Variants in PDS5B observed in about 807,000 individuals in gnomAD.
PDS5B encodes the protein sister chromatid cohesion protein PDS5 homolog B.
PDS5B carries 51 observed loss-of-function variants against 184.1 expected under a neutral mutation model. The ratio of observed to expected loss-of-function variants is 0.28; its 90% CI spans 0.22 to 0.35. The LOEUF (loss-of-function observed/expected upper bound fraction) is 0.35, where lower values mean the gene tolerates loss of function less well. Among genes scored for constraint, PDS5B ranks in the 10% least tolerant of loss-of-function variants. The pLI is 1.00. For synonymous variants in PDS5B, 566 were observed against 569.2 expected (o/e 0.99, Z 0.08); for missense variants, 1,180 against 1,723.3 (o/e 0.68, Z 5.58).
At chr13:32,716,879 C>T (rs1424230763) in intron 19 of PDS5B, among the ~76,000 whole-genome samples, 2 of 115,370 alleles carry the variant, frequency 1.7e-5, no homozygotes, top group East Asian at 2.5e-4. Flanking sequence ...CCGCCCCGTC[C>T]GGGAGGTGAG....
chr13:32,611,645 C>G (rs1027607926), intron 1 of PDS5B, among the ~76,000 whole-genome samples: 2 of 151,308 alleles, frequency 1.3e-5, no homozygotes, highest in African/African-American at 2.4e-5. Context: ...GTAGCTGGGA[C>G]TACAGGTGCG....
intron 19 of PDS5B, among the ~76,000 whole-genome samples, chr13:32,730,477 G>T (rs933724993): frequency 6.6e-6 from 1 of 152,204 alleles, no homozygotes; most frequent in Non-Finnish European, 1.5e-5. Flanking sequence ...TTCTAGTTTT[G>T]TGAAGAAAGT....
intron 6 of PDS5B, among the ~76,000 whole-genome samples, chr13:32,660,817 C>A (rs1039770101): frequency 3.9e-5 from 6 of 152,122 alleles, no homozygotes; most frequent in Non-Finnish European, 5.9e-5. Context: ...TCTCTAAGTA[C>A]AGGAGCTGGA....
intron 1 of PDS5B, among the ~76,000 whole-genome samples, chr13:32,592,012 G>A (rs951425579): frequency 2.6e-5 from 4 of 152,216 alleles, no homozygotes; most frequent in African/African-American, 9.6e-5. Context: ...ACATAAGGTA[G>A]AAGAGAAGCT....
chr13:32,753,651 T>C, intron 25 of PDS5B, 115 bp downstream of exon 25: 1 of 656,650 alleles, frequency 1.5e-6, no homozygotes, highest in South Asian at 2.9e-5. Context: ...TAACAATTTT[T>C]ATTACCATTT....
At chr13:32,684,653 C>G (rs965416225) in intron 11 of PDS5B, among the ~76,000 whole-genome samples, 2 of 152,180 alleles carry the variant, frequency 1.3e-5, no homozygotes, top group African/African-American at 4.8e-5. Context: ...AATGAATGTT[C>G]ATTCTGTTCC....
intron 10 of PDS5B, among the ~76,000 whole-genome samples, 174 bp downstream of exon 10, chr13:32,679,103 A>G (rs1365377651): frequency 6.7e-6 from 1 of 149,950 alleles, no homozygotes. Context: ...TTTTTAAAAT[A>G]GAGACAAGGT....
intron 1 of PDS5B, among the ~76,000 whole-genome samples, chr13:32,587,561 C>T (rs1403755425): frequency 6.6e-6 from 1 of 152,192 alleles, no homozygotes; most frequent in Non-Finnish European, 1.5e-5. Flanking sequence ...AGTAGCTCGA[C>T]AGTTATTTTG....
At chr13:32,710,366 A>C (rs577291216) in intron 19 of PDS5B, among the ~76,000 whole-genome samples, 3 of 152,196 alleles carry the variant, frequency 2.0e-5, no homozygotes, top group Non-Finnish European at 4.4e-5. Context: ...ATGGCATAGA[A>C]TAAACAATTC....
intron 33 of PDS5B, among the ~76,000 whole-genome samples, chr13:32,772,618 G>A (rs1326119555): frequency 6.6e-6 from 1 of 152,170 alleles, no homozygotes; most frequent in Non-Finnish European, 1.5e-5. Context: ...GAGTGGACAG[G>A]TAGGCAAGGA....
chr13:32,618,252 A>G (rs1183426918), intron 1 of PDS5B, among the ~76,000 whole-genome samples: 1 of 152,062 alleles, frequency 6.6e-6, no homozygotes, highest in Non-Finnish European at 1.5e-5. Context: ...ACTAACTTTA[A>G]AAAAAAATCA....
rs571780015 is a variant in PDS5B, at chr13:32,675,805, A to G, written c.847-39A>G. On this transcript the variant is annotated intron_variant, in intron 8 of 34. Coordinates refer to ENST00000315596, the MANE Select transcript of PDS5B (RefSeq NM_015032.4). Reference sequence around the variant, plus strand: ...ATGGGCAGCCTTATTCTGAATATCTACTGCATGGTTTTAAAGCTGTGATTG... The same window carrying G: ...ATGGGCAGCCTTATTCTGAATATCTGCTGCATGGTTTTAAAGCTGTGATTG... 2.1e-5 allele frequency: 25 copies of G among 1,207,224 alleles called. No homozygotes were observed. In the East Asian group the frequency reaches 4.6e-4, roughly 22 times the overall value. The allele number at this position is 1,207,224 out of a possible 1,614,324, so 74.8% of individuals were successfully genotyped here.
chr13:32,673,498 G>A, intron 8 of PDS5B, 142 bp downstream of exon 8: 1 of 706,034 alleles, frequency 1.4e-6, no homozygotes, highest in Non-Finnish European at 2.2e-6. Context: ...ACGTATTTGT[G>A]CCGTGTCTGT....
intron 11 of PDS5B, among the ~76,000 whole-genome samples, chr13:32,686,474 T>C (rs1951394421): frequency 6.6e-6 from 1 of 152,150 alleles, no homozygotes; most frequent in Admixed American, 6.5e-5. Context: ...TTTAATTCTG[T>C]CTTTGTCTTT....
intron 28 of PDS5B, 27 bp downstream of exon 28, chr13:32,758,680 A>G: frequency 6.2e-7 from 1 of 1,609,124 alleles, no homozygotes; most frequent in Non-Finnish European, 8.5e-7. Context: ...TTGTTTGTGT[A>G]AGTTGAAATA....
At chr13:32,654,243 T>C (rs1950441359) in intron 3 of PDS5B, among the ~76,000 whole-genome samples, 1 of 152,220 alleles carries the variant, frequency 6.6e-6, no homozygotes, top group African/African-American at 2.4e-5. Context: ...TGTATGTCTA[T>C]ATATTTTGTC....
intron 3 of PDS5B, among the ~76,000 whole-genome samples, chr13:32,654,317 T>A (rs981610881): frequency 6.6e-6 from 1 of 152,174 alleles, no homozygotes; most frequent in Non-Finnish European, 1.5e-5. Flanking sequence ...CCACTTTCAG[T>A]TAGTTATTGT....
intron 6 of PDS5B, among the ~76,000 whole-genome samples, chr13:32,664,022 C>T (rs1345957728): frequency 6.6e-6 from 1 of 152,198 alleles, no homozygotes; most frequent in African/African-American, 2.4e-5. Flanking sequence ...CCTCCAGCTC[C>T]ATCCAAGTTG....
At chr13:32,635,671 G>T (rs1409424983) in intron 1 of PDS5B, among the ~76,000 whole-genome samples, 1 of 151,336 alleles carries the variant, frequency 6.6e-6, no homozygotes, top group Admixed American at 6.6e-5. Context: ...CATTGTAGTC[G>T]CCTAATTAAG....
Sources: gnomAD v4.1 joint callset for allele counts (sites outside exome capture counted in the v4.1 genomes callset) on GRCh38, gnomAD v4.1.1 for gene constraint, MANE v1.5 for transcripts, NCBI Gene and HGNC (gene_info 2026-07-23, HGNC 2026-07-21) for gene names.